Variants in SNRPN observed in about 807,000 individuals in gnomAD.
The protein encoded by SNRPN is small nuclear ribonucleoprotein-associated protein N.
In SNRPN, 7 loss-of-function variants were observed where a neutral mutation model predicts 25.2. The ratio of observed to expected loss-of-function variants is 0.28; its 90% CI spans 0.16 to 0.52. The LOEUF is 0.52. Ranked by LOEUF, SNRPN falls within the 20% of genes least tolerant of loss-of-function variation. The pLI is 0.96. For synonymous variants in SNRPN, 124 were observed against 110.6 expected (o/e 1.12, Z -0.76); for missense variants, 196 against 322.5 (o/e 0.61, Z 3.00).
intron 2 of SNRPN, among the ~76,000 whole-genome samples, chr15:24,834,751 C>CTCTCTCTCTCTCTCTCTATATATATA: frequency 1.3e-4 from 8 of 60,950 alleles, no homozygotes; most frequent in Non-Finnish European, 2.0e-4. Flanking sequence ...CTCTCTCTCT[C>CTCTCTCTCTCTCTCTCTATATATATA]TATATATATA....
intron 1 of SNRPN, among the ~76,000 whole-genome samples, chr15:24,870,806 A>G (rs958358053): frequency 1.3e-5 from 2 of 151,370 alleles, no homozygotes; most frequent in African/African-American, 4.9e-5. Context: ...CAACCTACAA[A>G]TAATTATTTT....
intron 4 of SNRPN, chr15:24,974,900 T>G (rs1434545625): frequency 5.7e-6 from 4 of 701,700 alleles, no homozygotes; most frequent in Admixed American, 2.0e-5. Context: ...AATACAGGAG[T>G]TTTTGGTCAT....
At chr15:24,978,355 GC>G (rs769355415) in intron 9 of SNRPN, 37 bp downstream of exon 9, 11 of 1,613,738 alleles carry the variant, frequency 6.8e-6, no homozygotes, top group East Asian at 4.5e-5. Context: ...GTTCAGCCAG[GC>G]CCCTGAATAT....
chr15:24,926,695 A>C (rs8028188), intron 3 of SNRPN, among the ~76,000 whole-genome samples: 3,391 of 151,972 alleles, frequency 0.022, 122 homozygotes, highest in African/African-American at 0.071. Context: ...AAACAACCTT[A>C]AACTTACAGA....
At chr15:24,968,193 C>A in intron 3 of SNRPN, 111 bp downstream of exon 3, 2 of 681,182 alleles carry the variant, frequency 2.9e-6, no homozygotes, top group Non-Finnish European at 5.1e-6. Flanking sequence ...GAGCTTCATA[C>A]AATAAACACA....
At chr15:24,956,356 G>GGGC (rs1555404328) in intron 1 of SNRPN, among the ~76,000 whole-genome samples, 1 of 149,642 alleles carries the variant, frequency 6.7e-6, no homozygotes, top group African/African-American at 2.5e-5. Context: ...CGCTTCAGCG[G>GGGC]GGGGGTGGCC....
In SNRPN at chr15:24,863,490, G is replaced by A. The variant is rs1458734052; in HGVS notation, c.-579+6774G>A. Among the ~76,000 whole-genome samples, 4 of 150,494 alleles carry A rather than the reference G, an allele frequency of 2.7e-5. 1 individual carries two copies. The highest frequency in any genetic ancestry group is 5.0e-5 in the African/African-American group (2 of 40,000). On this transcript the variant is annotated intron_variant, in intron 1 of 11. Transcript: ENST00000400097. Reference sequence around the variant, plus strand: ...ATCTGTGTCTGCGTGTCCTCTCGGTGTGCTGACATTCTTACAAAATCCTCA... The same window carrying A: ...ATCTGTGTCTGCGTGTCCTCTCGGTATGCTGACATTCTTACAAAATCCTCA...
intron 2 of SNRPN, among the ~76,000 whole-genome samples, chr15:24,965,534 C>CA (rs973683505): frequency 1.3e-5 from 2 of 152,036 alleles, no homozygotes; most frequent in African/African-American, 4.8e-5. Context: ...GACTCCATCT[C>CA]AAAATAAAGT....
At chr15:24,837,370 A>AT (rs34338870) in intron 2 of SNRPN, among the ~76,000 whole-genome samples, 22,517 of 146,088 alleles carry the variant, frequency 0.15, 1,962 homozygotes, top group South Asian at 0.35. Flanking sequence ...GGGGCTACAG[A>AT]TTTTTTTTTT....
At chr15:24,971,399 C>T (rs998151139) in intron 3 of SNRPN, among the ~76,000 whole-genome samples, 5 of 152,162 alleles carry the variant, frequency 3.3e-5, no homozygotes, top group Non-Finnish European at 7.3e-5. Flanking sequence ...CATTGTATCA[C>T]ATTTAGGGAT....
intron 3 of SNRPN, among the ~76,000 whole-genome samples, chr15:24,927,371 C>T (rs1313575507): frequency 6.6e-6 from 1 of 152,012 alleles, no homozygotes; most frequent in Non-Finnish European, 1.5e-5. Context: ...ATCCTCCCAC[C>T]TTGACATCCC....
In SNRPN at chr15:24,899,702, C is replaced by A. The variant is rs546510755; in HGVS notation, c.-505+13113C>A. 1.6e-3 allele frequency among the ~76,000 whole-genome samples: 239 copies of A among 152,306 alleles called. 1 individual carries two copies. The highest frequency in any genetic ancestry group is 5.5e-3 in the African/African-American group (229 of 41,568). ...CAATAATATACCTACCTGTGAACAC[C>A]TTTCCCTGGCACCTAAGTGGGAAGA... On this transcript the variant is annotated intron_variant, in intron 2 of 11. Coordinates refer to the SNRPN transcript ENST00000400097.
In SNRPN at chr15:24,835,534, C is replaced by G. The variant is rs183637470; in HGVS notation, c.-579+5629C>G. ...CTGGAACCTGCTTCCATAGGAGGAG[C>G]ATCCTGATGTGTTTAGGAATACTAA... On this transcript the variant is annotated intron_variant, in intron 2 of 12. Coordinates refer to the SNRPN transcript ENST00000400100. Among the ~76,000 whole-genome samples, 10 of 152,192 alleles carry G rather than the reference C, an allele frequency of 6.6e-5. 1 individual carries two copies. Among genetic ancestry groups the G allele is most frequent in the Admixed American group, 5.9e-4 (9 of 15,294 alleles).
chr15:24,930,001 C>T (rs1259483675), intron 3 of SNRPN, among the ~76,000 whole-genome samples: 4 of 151,854 alleles, frequency 2.6e-5, no homozygotes, highest in East Asian at 2.0e-4. Flanking sequence ...TCCTGGCTAA[C>T]GCGGTGAAAC....
chr15:24,964,633 T>A (rs1397451836), intron 2 of SNRPN, among the ~76,000 whole-genome samples: 1 of 152,100 alleles, frequency 6.6e-6, no homozygotes, highest in African/African-American at 2.4e-5. Context: ...GACGTTTTTT[T>A]AAAGTGCCAT....
At chr15:24,937,239 AAAAC>A (rs199652626) in intron 3 of SNRPN, among the ~76,000 whole-genome samples, 320 of 152,260 alleles carry the variant, frequency 2.1e-3, no homozygotes, top group African/African-American at 6.6e-3. Flanking sequence ...GACTCCGTCT[AAAAC>A]AAACAAACAA....
chr15:24,922,747 TTC>T (rs1430009435), intron 3 of SNRPN, among the ~76,000 whole-genome samples: 8 of 152,096 alleles, frequency 5.3e-5, no homozygotes, highest in African/African-American at 7.2e-5. Flanking sequence ...ATTGATGGTG[TTC>T]TCTCATTATA....
intron 2 of SNRPN, among the ~76,000 whole-genome samples, chr15:24,843,816 C>CACACACACACACACACAG (rs1274107985): frequency 1.3e-5 from 2 of 149,794 alleles, no homozygotes; most frequent in African/African-American, 4.9e-5. Flanking sequence ...CACACACACA[C>CACACACACACACACACAG]AGAAAACTTA....
At chr15:24,834,749 C>CTCTCTCTCTCTCTCTATATATA (rs1566806547) in intron 2 of SNRPN, among the ~76,000 whole-genome samples, 11 of 63,082 alleles carry the variant, frequency 1.7e-4, no homozygotes, top group Non-Finnish European at 3.4e-4. Context: ...CTCTCTCTCT[C>CTCTCTCTCTCTCTCTATATATA]TCTATATATA....
Sources: gnomAD v4.1 joint callset for allele counts (sites outside exome capture counted in the v4.1 genomes callset) on GRCh38, gnomAD v4.1.1 for gene constraint, MANE v1.5 for transcripts, NCBI Gene and HGNC (gene_info 2026-07-23, HGNC 2026-07-21) for gene names.